Variants in MARK1 observed in about 807,000 individuals in gnomAD.
MARK1 encodes serine/threonine-protein kinase MARK1.
In MARK1, 40 loss-of-function variants were observed where a neutral mutation model predicts 96.3. The observed-to-expected ratio is 0.42, with a 90% confidence interval of 0.32 to 0.54. The LOEUF (loss-of-function observed/expected upper bound fraction) is 0.54, where lower values mean the gene tolerates loss of function less well. Among genes scored for constraint, MARK1 ranks in the 20% least tolerant of loss-of-function variants. The pLI, the probability that MARK1 is intolerant of heterozygous loss-of-function variation, is 0.16. For missense variants in MARK1, 719 were observed against 984.6 expected (o/e 0.73, Z 3.61); for synonymous variants, 317 against 341.2 (o/e 0.93, Z 0.78).
chr1:220,640,779 G>A (rs1572218941), intron 13 of MARK1, among the ~76,000 whole-genome samples: 1 of 152,252 alleles, frequency 6.6e-6, no homozygotes, highest in Middle Eastern at 3.4e-3. Flanking sequence ...GGCCAAATAT[G>A]CTTTTTATAA....
At chr1:220,633,481 C>T (rs1667782748) in intron 11 of MARK1, among the ~76,000 whole-genome samples, 3 of 152,036 alleles carry the variant, frequency 2.0e-5, no homozygotes. Flanking sequence ...TTTATTGTAC[C>T]AGAAACGATG....
intron 2 of MARK1, among the ~76,000 whole-genome samples, chr1:220,580,358 A>T (rs964247411): frequency 1.3e-5 from 2 of 151,922 alleles, no homozygotes; most frequent in Non-Finnish European, 2.9e-5. Flanking sequence ...GTGGTGTGCA[A>T]CTGTAGCTAC....
intron 1 of MARK1, among the ~76,000 whole-genome samples, chr1:220,577,395 A>T (rs777461636): frequency 2.0e-5 from 3 of 152,244 alleles, no homozygotes; most frequent in Non-Finnish European, 4.4e-5. Flanking sequence ...GAAATTAAGT[A>T]CTATAATTAA....
chr1:220,635,360 G>T lies in MARK1; in HGVS notation c.1123-16G>T, dbSNP rs1311735682. ...TTTTTTTTGCTTTAAAATCCCTGTG[G>T]TTTTTCTTCTTATAGTTTGAAGGTG... On this transcript the variant is annotated splice_polypyrimidine_tract_variant and intron_variant, in intron 11 of 17. Transcript: ENST00000366917. 3 of 1,542,742 alleles carry T rather than the reference G, an allele frequency of 1.9e-6. No homozygotes were observed. Among genetic ancestry groups the T allele is most frequent in the African/African-American group, 1.4e-5 (1 of 69,868 alleles).
chr1:220,532,757 G>A (rs949616177), intron 1 of MARK1, among the ~76,000 whole-genome samples: 2 of 152,046 alleles, frequency 1.3e-5, no homozygotes, highest in Non-Finnish European at 1.5e-5. Context: ...TCTAATCCCA[G>A]CACTTTGTGG....
At chr1:220,555,102 C>T (rs1286388338) in intron 1 of MARK1, among the ~76,000 whole-genome samples, 1 of 152,070 alleles carries the variant, frequency 6.6e-6, no homozygotes, top group Non-Finnish European at 1.5e-5. Context: ...TTTGGGGACC[C>T]ACTGATTCCA....
In MARK1 at chr1:220,528,781, C is replaced by G; in HGVS notation, c.-42C>G. On this transcript the variant is annotated 5_prime_UTR_variant, in exon 1 of 18. Transcript: ENST00000366917. ...CGCCCCCCGGGGCCCGCACCACAGC[C>G]CGGCCGGCGAGACCCCGGCCAGACC... 1 of 1,541,942 alleles carries G rather than the reference C, an allele frequency of 6.5e-7. No homozygotes were observed.
At chr1:220,578,874 G>A (rs773714567) in intron 1 of MARK1, among the ~76,000 whole-genome samples, 21 of 151,884 alleles carry the variant, frequency 1.4e-4, no homozygotes, top group African/African-American at 3.6e-4. Flanking sequence ...ATGGAGTCCC[G>A]CTCTGTCACC....
chr1:220,626,641 G>A (rs192532443), intron 9 of MARK1: 61 of 353,818 alleles, frequency 1.7e-4, no homozygotes, highest in Admixed American at 5.1e-4. Flanking sequence ...GGCCAACATG[G>A]TGAAACCCCG....
Position 220,579,526 on chromosome 1 carries a change from A to C in MARK1, c.224A>C (p.Lys75Thr). ...GGGAAGGGAAATTTTGCCAAAGTCA[A>C]ATTGGCAAGACACGTTCTAACTGGT... Reference protein sequence around the residue: ...TIGKGNFAKVKLARHVLTGRE... With the variant: ...TIGKGNFAKVTLARHVLTGRE... Residue 75 changes from lysine (K) to threonine (T), a missense_variant, in exon 2 of 18, where the codon AAA (lysine) becomes ACA (threonine). Lys to Thr is a moderately conservative substitution (Grantham distance 78, BLOSUM62 -1). Around this residue, in one of 4 missense-constraint regions of MARK1, gnomAD observed 105 missense variants for 133.4 expected, o/e 0.79. Transcript: ENST00000366917. 6.2e-7 allele frequency: 1 copy of C among 1,614,052 alleles called. No homozygotes were observed. Among genetic ancestry groups the C allele is most frequent in the Non-Finnish European group, 8.5e-7 (1 of 1,179,958 alleles).
rs1412177714 is a variant in MARK1 at position 220,631,884 on chromosome 1, G to A, written c.1010-317G>A. 3.9e-5 allele frequency among the ~76,000 whole-genome samples: 6 copies of A among 152,274 alleles called. No homozygotes were observed. In the East Asian group the frequency reaches 9.6e-4, roughly 24 times the overall value. On this transcript the variant is annotated intron_variant, in intron 10 of 17. Coordinates refer to ENST00000366917, the MANE Select transcript of MARK1 (RefSeq NM_018650.5). ...AATTGAGAGAAAGACAGAGAATTTT[G>A]TGTGTAACAAAGACTGACATGGTCT...
chr1:220,607,589 T>G (rs1666160942), intron 6 of MARK1, among the ~76,000 whole-genome samples: 1 of 152,312 alleles, frequency 6.6e-6, no homozygotes, highest in Admixed American at 6.5e-5. Context: ...AGGACATCCC[T>G]GTCGTGTGCC....
intron 17 of MARK1, among the ~76,000 whole-genome samples, chr1:220,658,354 G>A (rs1669288054): frequency 2.6e-5 from 4 of 152,090 alleles, no homozygotes; most frequent in Admixed American, 2.6e-4. Flanking sequence ...TTTCATACTT[G>A]AGCACAATCA....
rs1553311290 is a variant in MARK1 at position 220,533,012 on chromosome 1, T to TAA, written c.51+4149_51+4150dup. 9.3e-3 allele frequency among the ~76,000 whole-genome samples: 1,397 copies of TAA among 150,520 alleles called. 19 individuals are homozygous for TAA. The highest frequency in any genetic ancestry group is 0.03 in the African/African-American group (1,232 of 40,936). ...GTGACAGAGTGTGAACCCTTTTTTT[T>TAA]AAAAAAAAAAATAGATTTTAGAAGA... On this transcript the variant is annotated intron_variant, in intron 1 of 17. Coordinates refer to ENST00000366917, the MANE Select transcript of MARK1 (RefSeq NM_018650.5).
At chr1:220,607,120 C>A (rs1396280210) in intron 6 of MARK1, among the ~76,000 whole-genome samples, 3 of 152,100 alleles carry the variant, frequency 2.0e-5, no homozygotes, top group Admixed American at 1.3e-4. Flanking sequence ...GGTAGCATAG[C>A]CATTTTCACA....
chr1:220,655,334 T>G (rs1281607801), intron 16 of MARK1, among the ~76,000 whole-genome samples: 1 of 152,216 alleles, frequency 6.6e-6, no homozygotes, highest in Non-Finnish European at 1.5e-5. Flanking sequence ...ACTGTATCTC[T>G]AGCGCACATC....
chr1:220,533,088 G>A (rs145291965), intron 1 of MARK1, among the ~76,000 whole-genome samples: 2,359 of 152,180 alleles, frequency 0.016, 33 homozygotes, highest in Middle Eastern at 0.045. Flanking sequence ...AGGGTATGCC[G>A]TCCCTATCCC....
chr1:220,636,942 G>C (rs1165512406), intron 13 of MARK1, among the ~76,000 whole-genome samples: 4 of 151,228 alleles, frequency 2.6e-5, no homozygotes, highest in Non-Finnish European at 5.9e-5. Context: ...ATTGACCTTA[G>C]GTTGATCAAT....
At chr1:220,637,252 G>C (rs1668017097) in intron 13 of MARK1, among the ~76,000 whole-genome samples, 2 of 152,180 alleles carry the variant, frequency 1.3e-5, no homozygotes, top group African/African-American at 4.8e-5. Flanking sequence ...TAAGCAAAAA[G>C]AGGAAAATAA....
Sources: gnomAD v4.1 joint callset for allele counts (sites outside exome capture counted in the v4.1 genomes callset) on GRCh38, gnomAD v4.1.1 for gene constraint, gnomAD v4.1.1 regional missense constraint, MANE v1.5 for transcripts, NCBI Gene and HGNC (gene_info 2026-07-23, HGNC 2026-07-21) for gene names.